TCF12: variants seen among roughly 807,000 people sequenced by gnomAD.
The protein encoded by TCF12 is DNA-binding protein HTF4.
In TCF12, 45 loss-of-function variants were observed where a neutral mutation model predicts 86.0. The ratio of observed to expected loss-of-function variants is 0.52; its 90% confidence interval spans 0.41 to 0.67. The LOEUF (loss-of-function observed/expected upper bound fraction) is 0.67, where lower values mean the gene tolerates loss of function less well. Among genes scored for constraint, TCF12 ranks in the 30% least tolerant of loss-of-function variants. The pLI is 0.00. For missense variants in TCF12, 881 were observed against 859.9 expected, an observed-to-expected ratio of 1.02 and a Z score of -0.31; for synonymous variants, 330 against 299.6, an observed-to-expected ratio of 1.10 and a Z score of -1.05.
chr15:56,960,431 T>A (rs776963721), intron 3 of TCF12, among the ~76,000 whole-genome samples: 1 of 16,482 alleles, frequency 6.1e-5, no homozygotes, highest in Non-Finnish European at 2.2e-4. Flanking sequence ...CTGTATTGTA[T>A]TTTTTTTTTT....
chr15:57,049,312 TC>T (rs1164708111), intron 3 of TCF12, among the ~76,000 whole-genome samples: 3 of 152,226 alleles, frequency 2.0e-5, no homozygotes, highest in African/African-American at 2.4e-5. Context: ...TATAGATACT[TC>T]CGTCTGCTTC....
At chr15:57,271,743 T>A (rs1270435174) in intron 18 of TCF12, among the ~76,000 whole-genome samples, 1 of 152,226 alleles carries the variant, frequency 6.6e-6, no homozygotes, top group Non-Finnish European at 1.5e-5. Flanking sequence ...CTCGGCAATG[T>A]ATTTTTTTTA....
chr15:56,961,544 T>C (rs1286226689), intron 3 of TCF12, among the ~76,000 whole-genome samples: 3 of 152,218 alleles, frequency 2.0e-5, no homozygotes, highest in Non-Finnish European at 1.5e-5. Flanking sequence ...TGGTAAATGT[T>C]AATAAATGTT....
chr15:56,966,252 A>G (rs1192362300), intron 3 of TCF12, among the ~76,000 whole-genome samples: 1 of 152,120 alleles, frequency 6.6e-6, no homozygotes, highest in African/African-American at 2.4e-5. Context: ...ATTACTTTCA[A>G]TGGCAAAAAA....
intron 13 of TCF12, among the ~76,000 whole-genome samples, chr15:57,244,552 T>G (rs1051144800): frequency 6.6e-6 from 1 of 152,172 alleles, no homozygotes; most frequent in Non-Finnish European, 1.5e-5. Flanking sequence ...CTCCACCTCC[T>G]GGGCTCAAGG....
intron 3 of TCF12, among the ~76,000 whole-genome samples, chr15:56,973,317 A>G (rs1395691933): frequency 1.3e-5 from 2 of 152,120 alleles, no homozygotes; most frequent in Non-Finnish European, 2.9e-5. Context: ...AGAGGTACAT[A>G]CAAAGCATTG....
chr15:56,930,290 G>A (rs1289031892), intron 3 of TCF12, among the ~76,000 whole-genome samples: 1 of 152,222 alleles, frequency 6.6e-6, no homozygotes, highest in Non-Finnish European at 1.5e-5. Flanking sequence ...CCTTTGGAGT[G>A]TAAAAAATGC....
chr15:57,043,685 T>C lies in TCF12; in HGVS notation c.149-20065T>C, dbSNP rs558851435. Among the ~76,000 whole-genome samples, 3 of 152,364 alleles carry C rather than the reference T, an allele frequency of 2.0e-5. No individual in the cohort carries two copies. In the East Asian group the frequency reaches 5.8e-4, roughly 29 times the overall value. ...AGTAGAATTTTAGCAAAGTAAAAGATACTGAATTTCTGGAAGTCTTTGTGA... is the reference window on the plus strand; with the variant it reads ...AGTAGAATTTTAGCAAAGTAAAAGACACTGAATTTCTGGAAGTCTTTGTGA... On this transcript the variant is annotated intron_variant, in intron 3 of 20. Coordinates refer to ENST00000333725, the MANE Select transcript of TCF12 (RefSeq NM_207037.2).
chr15:56,922,064 G>GCAAGTCC (rs1337733846), intron 3 of TCF12, among the ~76,000 whole-genome samples: 1 of 151,886 alleles, frequency 6.6e-6, no homozygotes, highest in African/African-American at 2.4e-5. Flanking sequence ...GAAACGATAG[G>GCAAGTCC]CAAGTCCCAA....
At chr15:57,097,514 C>CA (rs2049410908) in intron 5 of TCF12, among the ~76,000 whole-genome samples, 1 of 151,640 alleles carries the variant, frequency 6.6e-6, no homozygotes, top group Non-Finnish European at 1.5e-5. Flanking sequence ...GCAACAGATC[C>CA]AACCCTGTCT....
At chr15:57,062,061 A>T (rs927587970) in intron 3 of TCF12, among the ~76,000 whole-genome samples, 2 of 151,992 alleles carry the variant, frequency 1.3e-5, no homozygotes, top group Non-Finnish European at 2.9e-5. Flanking sequence ...GGTTCAAGCT[A>T]TTCTCCTGCC....
intron 3 of TCF12, chr15:57,001,417 A>G (rs2064027332): frequency 5.6e-6 from 1 of 179,440 alleles, no homozygotes; most frequent in East Asian, 9.3e-5. Flanking sequence ...ACGTTCTTCT[A>G]CTTACACCAC....
intron 4 of TCF12, among the ~76,000 whole-genome samples, chr15:57,080,516 G>T (rs77061979): frequency 6.6e-6 from 1 of 152,158 alleles, no homozygotes; most frequent in South Asian, 2.1e-4. Flanking sequence ...AAGCCGTTTT[G>T]CATTCAGTTG....
intron 3 of TCF12, among the ~76,000 whole-genome samples, chr15:57,026,681 T>C (rs2065844381): frequency 6.6e-6 from 1 of 152,140 alleles, no homozygotes; most frequent in African/African-American, 2.4e-5. Flanking sequence ...TTTTATATAT[T>C]TTAATTTACG....
chr15:57,218,199 C>G (rs1433300077), intron 8 of TCF12, among the ~76,000 whole-genome samples: 6 of 152,032 alleles, frequency 3.9e-5, no homozygotes, highest in African/African-American at 1.2e-4. Context: ...TGAAAGGTAC[C>G]TTTAAAAAAA....
intron 5 of TCF12, among the ~76,000 whole-genome samples, chr15:57,114,371 G>T (rs1366739199): frequency 6.6e-6 from 1 of 152,166 alleles, no homozygotes; most frequent in East Asian, 1.9e-4. Flanking sequence ...GCTTACTGCA[G>T]CCTTGGCCTC....
intron 3 of TCF12, among the ~76,000 whole-genome samples, chr15:56,934,497 T>C (rs116113015): frequency 1.5e-3 from 221 of 152,294 alleles, no homozygotes; most frequent in African/African-American, 5.2e-3. Context: ...ATGACAGGAC[T>C]TGGATCTGTC....
chr15:57,104,435 C>CTTTTTT (rs71113062), intron 5 of TCF12, among the ~76,000 whole-genome samples: 87 of 103,290 alleles, frequency 8.4e-4, no homozygotes, highest in Non-Finnish European at 1.4e-3. Flanking sequence ...TTTTTTTTTT[C>CTTTTTT]TTTTTTTTTT....
At chr15:57,246,067 T>C (rs1228435698) in intron 13 of TCF12, among the ~76,000 whole-genome samples, 2 of 152,068 alleles carry the variant, frequency 1.3e-5, no homozygotes, top group African/African-American at 2.4e-5. Context: ...CCTATATAAA[T>C]ATGTGGACAT....
Sources: allele counts gnomAD v4.1 joint callset (sites outside exome capture counted in the v4.1 genomes callset), GRCh38; gene constraint gnomAD v4.1.1; transcripts MANE v1.5; gene names NCBI Gene and HGNC (gene_info 2026-07-23, HGNC 2026-07-21).